Variants in EPRS1 observed in about 807,000 individuals in gnomAD.
The protein encoded by EPRS1 is bifunctional glutamate/proline--tRNA ligase.
A neutral mutation model predicts 188.3 loss-of-function variants in EPRS1; 107 were observed. The ratio of observed to expected loss-of-function variants is 0.57; its 90% confidence interval spans 0.49 to 0.67. The LOEUF (loss-of-function observed/expected upper bound fraction) is 0.67, where lower values mean the gene tolerates loss of function less well. EPRS1 is among the 30% of genes least tolerant of loss of function. The probability of loss-of-function intolerance (pLI) is 0.00; values close to 1 mark genes in which losing one functional copy is unlikely to be tolerated. For missense variants in EPRS1, 1,577 were observed against 1,802.2 expected (o/e 0.88, Z 2.26); for synonymous variants, 596 against 593.1 (o/e 1.00, Z -0.07).
At position 220,022,644 on chromosome 1, in the gene EPRS1, A is replaced by G. The variant is rs373139672; in HGVS notation, c.944-126T>C. 131 of 754,758 alleles carry G rather than the reference A, an allele frequency of 1.7e-4. No homozygotes were observed. The East Asian group carries it at 3.2e-3, about 18-fold the overall frequency. The allele number at this position is 754,758 out of a possible 1,614,324, so 46.8% of individuals were successfully genotyped here. On this transcript the variant is annotated intron_variant, in intron 8 of 31. Coordinates refer to ENST00000366923, the MANE Select transcript of EPRS1 (RefSeq NM_004446.3). ...AACCACCCTGTGTTAGTTTAAAAAC[A>G]CTGTAATATTTCCAGTATCCAGTAC...
At chr1:220,008,573 C>T (rs1014610792) in intron 13 of EPRS1, among the ~76,000 whole-genome samples, 15 of 152,128 alleles carry the variant, frequency 9.9e-5, no homozygotes, top group Admixed American at 5.2e-4. Flanking sequence ...TACTTTGCGA[C>T]GGAAATGTTA....
At chr1:219,993,992 C>T (rs141278657) in intron 18 of EPRS1, among the ~76,000 whole-genome samples, 126 of 152,194 alleles carry the variant, frequency 8.3e-4, no homozygotes, top group African/African-American at 3.0e-3. Flanking sequence ...TAACTGGGTT[C>T]GTTCTTTAGA....
At chr1:220,018,823 A>G (rs1373172487) in intron 11 of EPRS1, among the ~76,000 whole-genome samples, 172 bp downstream of exon 11, 2 of 58,514 alleles carry the variant, frequency 3.4e-5, no homozygotes, top group African/African-American at 1.3e-4. Flanking sequence ...AAGCAGTGAT[A>G]AACTTTAAAA....
intron 30 of EPRS1, among the ~76,000 whole-genome samples, chr1:219,971,114 A>C (rs948193158): frequency 5.3e-5 from 8 of 152,192 alleles, no homozygotes; most frequent in Non-Finnish European, 1.0e-4. Flanking sequence ...CCTAGTCAGA[A>C]GAGTGATCTA....
At chr1:220,026,790 G>T (rs566020280) in intron 6 of EPRS1, among the ~76,000 whole-genome samples, 2 of 151,856 alleles carry the variant, frequency 1.3e-5, no homozygotes, top group East Asian at 1.9e-4. Flanking sequence ...TCGGCCAGCA[G>T]TTGTACAGTT....
intron 3 of EPRS1, among the ~76,000 whole-genome samples, chr1:220,034,023 A>C (rs1201940739): frequency 6.6e-6 from 1 of 152,166 alleles, no homozygotes; most frequent in African/African-American, 2.4e-5. Flanking sequence ...TACTTGAAAA[A>C]TTTAAAAGTT....
intron 6 of EPRS1, among the ~76,000 whole-genome samples, chr1:220,027,344 C>T (rs1164911746): frequency 1.3e-5 from 2 of 151,834 alleles, no homozygotes; most frequent in African/African-American, 2.4e-5. Flanking sequence ...AGGAGAATGG[C>T]GTGAACCCGG....
chr1:219,994,320 G>C (rs114500422), intron 18 of EPRS1, among the ~76,000 whole-genome samples: 183 of 152,152 alleles, frequency 1.2e-3, no homozygotes, highest in African/African-American at 4.3e-3. Flanking sequence ...TCTTATCCAG[G>C]GCTGGTTCCT....
intron 28 of EPRS1, 33 bp downstream of exon 28, chr1:219,978,513 G>A (rs1408608299): frequency 3.4e-6 from 5 of 1,491,480 alleles, no homozygotes; most frequent in South Asian, 2.6e-5. Context: ...AATTGCAGAT[G>A]TTGGGGGTAA....
chr1:219,987,384 A>C lies in EPRS1; in HGVS notation c.2796T>G (p.Val932=). ...KAPKDQVDIA[V]QELLQLKAQY... is the part of the protein sequence containing the mutation. ...GTGCCTTTAGCTGAAGGAGTTCTTG[A>C]ACAGCTATATCTACTTGATCCTTTA... The change falls in exon 20 of 32, where the codon GTT becomes GTG. Residue 932 remains valine, a synonymous_variant. Transcript: ENST00000366923. 1 of 1,609,790 alleles carries C rather than the reference A, an allele frequency of 6.2e-7. No homozygotes were observed. The highest frequency in any genetic ancestry group is 8.5e-7 in the Non-Finnish European group (1 of 1,178,644).
intron 20 of EPRS1, among the ~76,000 whole-genome samples, 195 bp from the exon 21 acceptor site, chr1:219,984,452 T>A (rs1660964143): frequency 6.6e-6 from 1 of 152,236 alleles, no homozygotes; most frequent in Non-Finnish European, 1.5e-5. Flanking sequence ...AGGGTCTTAC[T>A]CTGTCACCCA....
At chr1:219,980,638 C>T (rs543614946) in intron 25 of EPRS1, 118 bp downstream of exon 25, 4 of 634,092 alleles carry the variant, frequency 6.3e-6, no homozygotes, top group African/African-American at 3.7e-5. Flanking sequence ...AATCCATGAA[C>T]ATTTGAATTA....
At chr1:220,028,793 GC>G (rs1662032752) in intron 6 of EPRS1, among the ~76,000 whole-genome samples, 1 of 89,356 alleles carries the variant, frequency 1.1e-5, no homozygotes, top group Non-Finnish European at 3.3e-5. Context: ...ACTAAGCCAA[GC>G]CTTCTGGCCT....
At position 219,997,860 on chromosome 1, in the gene EPRS1, T is replaced by C. The variant is rs1197798788; in HGVS notation, c.2182-518A>G. Among the ~76,000 whole-genome samples, 35 of 152,210 alleles carry C rather than the reference T, an allele frequency of 2.3e-4. 1 individual carries two copies. Among genetic ancestry groups the C allele is most frequent in the Admixed American group, 2.3e-3 (35 of 15,288 alleles). On this transcript the variant is annotated intron_variant, in intron 17 of 31. Transcript: ENST00000366923. ...ACTATTAATTTTTTTAGAGATGAAA[T>C]ACATCTAGATTGTTGATAAGGCAAG...
rs746584709 is a variant in EPRS1 at position 219,988,836 on chromosome 1, A to G, written c.2542-13T>C. ...CATTTATTTTAGCCTAAAATAAAAGAGAGAAAGAGATATTTATAAAACTTT... is the reference window on the plus strand; with the variant it reads ...CATTTATTTTAGCCTAAAATAAAAGGGAGAAAGAGATATTTATAAAACTTT... On this transcript the variant is annotated splice_polypyrimidine_tract_variant and intron_variant, in intron 18 of 31. Coordinates refer to ENST00000366923, the MANE Select transcript of EPRS1 (RefSeq NM_004446.3). The G allele has an allele frequency of 2.6e-6, 4 of 1,515,578 alleles. No individual in the cohort carries two copies. Among genetic ancestry groups the G allele is most frequent in the African/African-American group, 2.8e-5 (2 of 71,280 alleles). 93.9% of individuals were successfully genotyped at this position (1,515,578 alleles called of 1,614,324 possible). A position where few individuals can be genotyped will look rare whatever the true frequency, so the allele number is the denominator to read the frequency against.
chr1:219,978,518 G>A lies in EPRS1; in HGVS notation c.4083+28C>T, dbSNP rs1660821810. ...TCTAAACTCAAATTGCAGATGTTGGGGGTAAAAGATAAAGCTTAGGAATTT... is the reference window on the plus strand; with the variant it reads ...TCTAAACTCAAATTGCAGATGTTGGAGGTAAAAGATAAAGCTTAGGAATTT... On this transcript the variant is annotated intron_variant, in intron 28 of 31. Coordinates refer to ENST00000366923, the MANE Select transcript of EPRS1 (RefSeq NM_004446.3). The A allele has an allele frequency of 2.7e-6, 4 of 1,506,264 alleles. No homozygotes were observed. In the South Asian group the frequency reaches 5.1e-5, roughly 19 times the overall value. 93.3% of individuals were successfully genotyped at this position (1,506,264 alleles called of 1,614,324 possible).
chr1:220,006,089 T>C lies in EPRS1; in HGVS notation c.1950+17A>G, dbSNP rs748821140. The C allele has an allele frequency of 1.2e-5, 18 of 1,443,388 alleles. No homozygotes were observed. The highest frequency in any genetic ancestry group is 1.7e-5 in the Non-Finnish European group (18 of 1,067,700). The allele number at this position is 1,443,388 out of a possible 1,614,324, so 89.4% of individuals were successfully genotyped here. A position where few individuals can be genotyped will look rare whatever the true frequency, so the allele number is the denominator to read the frequency against. ...GGAAAATTTAAAAGGTGAAATATGG[T>C]TTCTTTGGAAGGTTACCTTACTGTT... On this transcript the variant is annotated intron_variant, in intron 15 of 31. Transcript: ENST00000366923.
intron 1 of EPRS1, among the ~76,000 whole-genome samples, chr1:220,040,637 G>A (rs1215277314): frequency 1.3e-5 from 2 of 151,784 alleles, no homozygotes; most frequent in African/African-American, 4.8e-5. Context: ...GATCACCTGA[G>A]GACAGGAGTT....
chr1:219,988,511 G>T, intron 19 of EPRS1, 79 bp downstream of exon 19: 1 of 896,382 alleles, frequency 1.1e-6, no homozygotes. Context: ...CAGATTTGAT[G>T]GGGCACAAAA....
Sources: gnomAD v4.1 joint callset for allele counts (sites outside exome capture counted in the v4.1 genomes callset) on GRCh38, gnomAD v4.1.1 for gene constraint, MANE v1.5 for transcripts, NCBI Gene and HGNC (gene_info 2026-07-23, HGNC 2026-07-21) for gene names.